LIFR: variants seen among roughly 807,000 people sequenced by gnomAD.
The protein encoded by LIFR is leukemia inhibitory factor receptor.
LIFR carries 84 observed loss-of-function variants against 122.2 expected under a neutral mutation model. The ratio of observed to expected loss-of-function variants is 0.69; its 90% confidence interval spans 0.58 to 0.82. The LOEUF (loss-of-function observed/expected upper bound fraction) is 0.82, where lower values mean the gene tolerates loss of function less well. LIFR is among the 40% of genes least tolerant of loss of function. The pLI is 0.00. For missense variants in LIFR, 1,294 were observed against 1,311.6 expected (o/e 0.99, Z 0.21); for synonymous variants, 422 against 434.7 (o/e 0.97, Z 0.36).
chr5:38,592,986 C>T (rs1368052610), intron 1 of LIFR, among the ~76,000 whole-genome samples: 2 of 151,828 alleles, frequency 1.3e-5, no homozygotes, highest in African/African-American at 2.4e-5. Flanking sequence ...GGATAGATCA[C>T]GAGGCCAGGA....
rs777303933 is a variant in LIFR at position 38,502,640 on chromosome 5, C to T, written c.1597G>A (p.Ala533Thr). The T allele has an allele frequency of 3.1e-6, 5 of 1,611,424 alleles. No individual in the cohort carries two copies. The highest frequency in any genetic ancestry group is 1.7e-4 in the Middle Eastern group (1 of 5,806). Residue 533 changes from alanine (A) to threonine (T), a missense_variant, in exon 11 of 20, where the codon GCC becomes ACC. Ala to Thr is a moderately conservative substitution (Grantham distance 58). Coordinates refer to ENST00000453190, the MANE Select transcript of LIFR (RefSeq NM_001127671.2). ...SNKKQHLTTE[A>T]SPSKGPDTWR... ...ATACATCACTTAGTTAACTTACTGG[C>T]TTCTGTTGTTAAATGTTGTTTTTTA... is the stretch of plus-strand genomic sequence containing the variant.
rs183639435 is a variant in LIFR at position 38,474,803 on chromosome 5, G to A, written c.*6792C>T. ...GATGTTACACCAATGGCACAGCAAT[G>A]TACTCAAATGTTAAAAATACATCCA... On this transcript the variant is annotated 3_prime_UTR_variant, in exon 20 of 20. Coordinates refer to ENST00000453190, the MANE Select transcript of LIFR (RefSeq NM_001127671.2). 5.9e-5 allele frequency among the ~76,000 whole-genome samples: 9 copies of A among 152,192 alleles called. No individual in the cohort carries two copies. Among genetic ancestry groups the A allele is most frequent in the Admixed American group, 5.2e-4 (8 of 15,284 alleles).
upstream of LIFR, among the ~76,000 whole-genome samples, chr5:38,598,342 G>A (rs910665403): frequency 6.1e-5 from 9 of 146,636 alleles, no homozygotes; most frequent in African/African-American, 2.3e-4. Context: ...CCCCTCCCGA[G>A]TTGAAGCATT....
At chr5:38,562,415 A>T (rs1260914808) in intron 1 of LIFR, among the ~76,000 whole-genome samples, 1 of 152,038 alleles carries the variant, frequency 6.6e-6, no homozygotes, top group East Asian at 1.9e-4. Flanking sequence ...TTAGCTGTTG[A>T]CCAGAGTCAT....
At chr5:38,556,989 C>G (rs1176707676), upstream of LIFR, 1 of 152,204 alleles carries the variant, frequency 6.6e-6, no homozygotes, top group Non-Finnish European at 1.5e-5. Context: ...ACCGCGCCTC[C>G]CCGAATGCGG....
chr5:38,486,197 G>A (rs2112379155), intron 16 of LIFR, among the ~76,000 whole-genome samples: 2 of 152,296 alleles, frequency 1.3e-5, no homozygotes. Flanking sequence ...CTCAAGTGGA[G>A]TTTTTCTACT....
intron 1 of LIFR, among the ~76,000 whole-genome samples, chr5:38,577,160 T>G (rs1013791823): frequency 6.6e-6 from 1 of 152,216 alleles, no homozygotes; most frequent in Non-Finnish European, 1.5e-5. Context: ...TTCAGCCAAC[T>G]CATTCTCCTC....
rs886042160 is a variant in LIFR at position 38,511,872 on chromosome 5, C to CA, written c.653dup (p.Glu219GlyfsTer3). 1 of 1,614,060 alleles carries CA rather than the reference C, an allele frequency of 6.2e-7. No homozygotes were observed. The highest frequency in any genetic ancestry group is 1.6e-4 in the Middle Eastern group (1 of 6,062). On this transcript the variant is annotated frameshift_variant, in exon 6 of 20. Coordinates refer to ENST00000453190, the MANE Select transcript of LIFR (RefSeq NM_001127671.2). LOFTEE classifies it high-confidence loss of function. ...GATTGTCAATGTAGCATCTAATTTCCACAAAATGAATGGCACATTCCAAGG... is the reference window on the plus strand; with the variant it reads ...GATTGTCAATGTAGCATCTAATTTCCAACAAAATGAATGGCACATTCCAAGG...
At chr5:38,565,452 G>T (rs531336933) in intron 1 of LIFR, among the ~76,000 whole-genome samples, 1 of 152,026 alleles carries the variant, frequency 6.6e-6, no homozygotes, top group African/African-American at 2.4e-5. Flanking sequence ...AGCTATTGGG[G>T]GAAGGTAAAT....
upstream of LIFR, chr5:38,558,397 G>C (rs1301943480): frequency 6.6e-6 from 1 of 152,130 alleles, no homozygotes; most frequent in Non-Finnish European, 1.5e-5. Flanking sequence ...ATTCAGAGTA[G>C]TGATAATGGC....
chr5:38,541,408 A>G (rs1000222193), intron 1 of LIFR, among the ~76,000 whole-genome samples: 7 of 152,238 alleles, frequency 4.6e-5, no homozygotes, highest in Non-Finnish European at 1.0e-4. Context: ...CCTCGACTTG[A>G]TAAGCTGTTG....
intron 4 of LIFR, among the ~76,000 whole-genome samples, chr5:38,524,602 G>A (rs1561174520): frequency 6.6e-6 from 1 of 152,228 alleles, no homozygotes; most frequent in Non-Finnish European, 1.5e-5. Context: ...AAAGCAGCAA[G>A]AGGAGCAAAA....
chr5:38,527,152 TACAA>T lies in LIFR; in HGVS notation c.396_397+2del. 6.3e-7 allele frequency: 1 copy of T among 1,589,384 alleles called. No homozygotes were observed. The highest frequency in any genetic ancestry group is 8.6e-7 in the Non-Finnish European group (1 of 1,160,786). Reference sequence around the variant, plus strand: ...AAAATTGAGTTTGTTTTCAAATACTTACAAACGTTTTGTTCATTTAGTGTGAATT... The same window carrying T: ...AAAATTGAGTTTGTTTTCAAATACTTACGTTTTGTTCATTTAGTGTGAATT... On this transcript the variant is annotated splice_donor_variant and coding_sequence_variant, in exon 4 of 20. Transcript: ENST00000453190. LOFTEE classifies it high-confidence loss of function.
rs1747238984 is a variant in LIFR at position 38,535,327 on chromosome 5, T to C, written c.-19-4661A>G. ...AGCAGGAGGTATGTTTGTCATTGCC[T>C]CTGAGAGTCCACAGGTTAGATGCCA... On this transcript the variant is annotated intron_variant, in intron 1 of 19. Transcript: ENST00000453190. Among the ~76,000 whole-genome samples the C allele has an allele frequency of 1.2e-4, 18 of 152,312 alleles. 1 individual carries two copies. The South Asian group carries it at 3.5e-3, about 30-fold the overall frequency.
chr5:38,506,656 C>T, intron 7 of LIFR, 24 bp from the exon 8 acceptor site: 1 of 1,592,652 alleles, frequency 6.3e-7, no homozygotes, highest in Admixed American at 1.7e-5. Flanking sequence ...AATGCAGGTA[C>T]TTATGATTAC....
In LIFR at chr5:38,493,428, T is replaced by C. The variant is rs550249930; in HGVS notation, c.2065+178A>G. ...TAAGAATAAATTTCTAGACCAGTAATTACCAGATCAAAGGGTTTGGATCCT... is the reference window on the plus strand; with the variant it reads ...TAAGAATAAATTTCTAGACCAGTAACTACCAGATCAAAGGGTTTGGATCCT... On this transcript the variant is annotated intron_variant, in intron 14 of 19. Transcript: ENST00000453190. 8.0e-4 allele frequency among the ~76,000 whole-genome samples: 122 copies of C among 152,288 alleles called. 1 individual carries two copies. The highest frequency in any genetic ancestry group is 9.8e-4 in the Non-Finnish European group (67 of 68,024).
upstream of LIFR, among the ~76,000 whole-genome samples, chr5:38,595,629 T>G (rs569977341): frequency 2.0e-5 from 3 of 152,140 alleles, no homozygotes; most frequent in African/African-American, 7.2e-5. Flanking sequence ...CAACCCAGGT[T>G]AGGAGTCAGC....
In LIFR at chr5:38,605,626, TA is replaced by T. The variant is rs1580257381; in HGVS notation, n.305+578del. Among the ~76,000 whole-genome samples the T allele has an allele frequency of 1.3e-5, 2 of 152,162 alleles. 1 individual carries two copies. On this transcript the variant is annotated intron_variant and non_coding_transcript_variant, in intron 2 of 3. Coordinates refer to the LIFR transcript ENST00000507786. Reference sequence around the variant, plus strand: ...GCAAACCTGCCTCTCGTTCTATTCCTAAAAAAAGATACCTGCTAAGATAAAA... The same window carrying T: ...GCAAACCTGCCTCTCGTTCTATTCCTAAAAAAGATACCTGCTAAGATAAAA...
chr5:38,518,554 CAT>C (rs1580095513), intron 5 of LIFR, among the ~76,000 whole-genome samples: 1 of 152,166 alleles, frequency 6.6e-6, no homozygotes, highest in East Asian at 1.9e-4. Flanking sequence ...ACGTATTACT[CAT>C]GTGTCTGTGG....
Sources: gnomAD v4.1 joint callset for allele counts (sites outside exome capture counted in the v4.1 genomes callset) on GRCh38, gnomAD v4.1.1 for gene constraint, MANE v1.5 for transcripts, NCBI Gene and HGNC (gene_info 2026-07-23, HGNC 2026-07-21) for gene names.